The following MAGI1 variants were observed in gnomAD, a reference collection of about 807,000 sequenced individuals.
The protein encoded by MAGI1 is membrane associated guanylate kinase, WW and PDZ domain containing 1.
In MAGI1, 58 loss-of-function variants were observed where a neutral mutation model predicts 139.9. The ratio of observed to expected loss-of-function variants is 0.41; its 90% confidence interval spans 0.34 to 0.52. MAGI1 has a LOEUF of 0.52. Ranked by LOEUF, MAGI1 falls within the 20% of genes least tolerant of loss-of-function variation. The pLI is 0.12. For synonymous variants in MAGI1, 812 were observed against 737.9 expected (o/e 1.10, Z -1.63); for missense variants, 1,874 against 1,901.6 (o/e 0.99, Z 0.27).
At chr3:65,360,998 T>C in intron 22 of MAGI1, 3 of 1,458,316 alleles carry the variant, frequency 2.1e-6, no homozygotes, top group Non-Finnish European at 2.7e-6. Context: ...TCTTAGGCCA[T>C]GCCCCAGTCC....
At chr3:65,507,317 C>A (rs2077333796) in intron 2 of MAGI1, among the ~76,000 whole-genome samples, 1 of 152,168 alleles carries the variant, frequency 6.6e-6, no homozygotes, top group African/African-American at 2.4e-5. Flanking sequence ...GTGGTATTTA[C>A]CTTGAAGGGG....
intron 2 of MAGI1, among the ~76,000 whole-genome samples, chr3:65,592,686 T>G (rs564223224): frequency 6.6e-6 from 1 of 152,160 alleles, no homozygotes; most frequent in Non-Finnish European, 1.5e-5. Context: ...CACACGCACA[T>G]GCAGTTACTT....
rs375563985 is a variant in MAGI1, at chr3:65,696,619, GT to G, written c.314-74532del. ...GAAAATACATGTCCATGAGCTTCAT[GT>G]TTTTTTTCCCTCCTGCTAGATACCA... On this transcript the variant is annotated intron_variant, in intron 1 of 22. Coordinates refer to ENST00000402939, the MANE Select transcript of MAGI1 (RefSeq NM_001033057.2). 7.9e-3 allele frequency among the ~76,000 whole-genome samples: 1,204 copies of G among 151,856 alleles called. 17 individuals carry two copies. Among genetic ancestry groups the G allele is most frequent in the African/African-American group, 0.028 (1,166 of 41,366 alleles).
chr3:65,689,138 C>T (rs912425362), intron 1 of MAGI1, among the ~76,000 whole-genome samples: 1 of 152,220 alleles, frequency 6.6e-6, no homozygotes. Context: ...GAAACCCAGA[C>T]ATCAGTCTCT....
At chr3:65,613,170 CT>C (rs909020886) in intron 2 of MAGI1, among the ~76,000 whole-genome samples, 3 of 152,064 alleles carry the variant, frequency 2.0e-5, no homozygotes, top group Non-Finnish European at 2.9e-5. Context: ...CTGTGCCTCC[CT>C]GGAGATGCCA....
chr3:65,525,177 A>G (rs2078327963), intron 2 of MAGI1, among the ~76,000 whole-genome samples: 1 of 152,108 alleles, frequency 6.6e-6, no homozygotes, highest in Non-Finnish European at 1.5e-5. Context: ...AATCAGCAAG[A>G]CTGCCAGACA....
chr3:65,474,637 A>C (rs1413739829), intron 4 of MAGI1, among the ~76,000 whole-genome samples: 1 of 152,142 alleles, frequency 6.6e-6, no homozygotes, highest in Non-Finnish European at 1.5e-5. Context: ...ACACACATGC[A>C]CACTCACTCA....
chr3:65,884,145 G>A (rs148875974), intron 1 of MAGI1, among the ~76,000 whole-genome samples: 1 of 152,314 alleles, frequency 6.6e-6, no homozygotes, highest in African/African-American at 2.4e-5. Context: ...GGATTTCAAG[G>A]TGATGGTCAA....
chr3:65,733,635 CA>C (rs2034416036), intron 1 of MAGI1, among the ~76,000 whole-genome samples: 1 of 152,196 alleles, frequency 6.6e-6, no homozygotes, highest in East Asian at 1.9e-4. Context: ...ACAGATGTAG[CA>C]GATGTGGTAA....
chr3:65,795,824 G>A (rs1295819592), intron 1 of MAGI1, among the ~76,000 whole-genome samples: 1 of 151,870 alleles, frequency 6.6e-6, no homozygotes, highest in African/African-American at 2.4e-5. Context: ...GCCTAGGCAG[G>A]TGGATCACCT....
At chr3:65,444,070 T>C (rs906622430) in intron 7 of MAGI1, among the ~76,000 whole-genome samples, 1 of 152,216 alleles carries the variant, frequency 6.6e-6, no homozygotes, top group Non-Finnish European at 1.5e-5. Context: ...AATTTCATAG[T>C]TTTTGCTCCA....
In MAGI1 at chr3:65,462,944, C is replaced by T. The variant is rs181025567; in HGVS notation, c.959+7339G>A. 3.9e-3 allele frequency among the ~76,000 whole-genome samples: 593 copies of T among 152,264 alleles called. 1 individual carries two copies. Among genetic ancestry groups the T allele is most frequent in the Non-Finnish European group, 6.6e-3 (448 of 68,012 alleles). The stretch of plus-strand genomic sequence containing the variant: ...TGTCTACTATTGGTGTATAGGAATG[C>T]TTGTGATTTTTTGCACATTGATTTT... On this transcript the variant is annotated intron_variant, in intron 5 of 22. Transcript: ENST00000402939.
intron 1 of MAGI1, among the ~76,000 whole-genome samples, chr3:65,851,473 G>C (rs1449592764): frequency 3.3e-5 from 5 of 152,306 alleles, no homozygotes; most frequent in Admixed American, 2.0e-4. Flanking sequence ...AGGTTGCCAG[G>C]CGCGGTGGCT....
chr3:65,760,298 A>C (rs2036909073), intron 1 of MAGI1, among the ~76,000 whole-genome samples: 1 of 152,048 alleles, frequency 6.6e-6, no homozygotes, highest in Admixed American at 6.6e-5. Context: ...AGTTACTACT[A>C]TTATTCTCTT....
intron 1 of MAGI1, among the ~76,000 whole-genome samples, chr3:65,898,897 T>C (rs1172194599): frequency 2.0e-5 from 3 of 152,198 alleles, no homozygotes; most frequent in African/African-American, 7.2e-5. Flanking sequence ...TAAGTAAATA[T>C]ATTTTTAAAT....
At chr3:65,512,617 A>C (rs1425618387) in intron 2 of MAGI1, among the ~76,000 whole-genome samples, 8 of 152,176 alleles carry the variant, frequency 5.3e-5, no homozygotes, top group African/African-American at 1.9e-4. Flanking sequence ...AAGAAGTTGA[A>C]TCTCTGAATA....
At chr3:65,824,937 C>CA (rs1334361302) in intron 1 of MAGI1, among the ~76,000 whole-genome samples, 1 of 152,134 alleles carries the variant, frequency 6.6e-6, no homozygotes, top group Admixed American at 6.6e-5. Flanking sequence ...CTAAATACTT[C>CA]AAAATTATTC....
intron 1 of MAGI1, among the ~76,000 whole-genome samples, chr3:65,689,934 G>A (rs959342331): frequency 1.3e-5 from 2 of 152,120 alleles, no homozygotes; most frequent in African/African-American, 4.8e-5. Context: ...TGCTGCTTCT[G>A]GCCGCACCAC....
rs372768856 is a variant in MAGI1, at chr3:65,392,395, A to G, written c.2200-1037T>C. Among the ~76,000 whole-genome samples the G allele has an allele frequency of 9.8e-5, 15 of 152,298 alleles. No homozygotes were observed. The South Asian group carries it at 2.5e-3, about 25-fold the overall frequency. ...ATCCTGCAGTCATGCCTCATATACC[A>G]TAGACACCATGTCACTATACTTAGC... is the stretch of plus-strand genomic sequence containing the variant. On this transcript the variant is annotated intron_variant, in intron 13 of 22. Coordinates refer to ENST00000402939, the MANE Select transcript of MAGI1 (RefSeq NM_001033057.2).
Sources: allele counts gnomAD v4.1 joint callset (sites outside exome capture counted in the v4.1 genomes callset), GRCh38; gene constraint gnomAD v4.1.1; transcripts MANE v1.5; gene names NCBI Gene and HGNC (gene_info 2026-07-23, HGNC 2026-07-21).